Variants in TLDC2 observed in about 807,000 individuals in gnomAD.
TLDC2 encodes TBC/LysM-associated domain containing 2.
TLDC2 carries 23 observed loss-of-function variants against 27.9 expected under a neutral mutation model. The observed-to-expected ratio is 0.82, with a 90% CI of 0.59 to 1.17. TLDC2 has a LOEUF of 1.17. Among genes scored for constraint, TLDC2 ranks in the 50% most tolerant of loss-of-function variants. The pLI is 0.00. For synonymous variants in TLDC2, 124 were observed against 107.4 expected (o/e 1.16, Z -0.96); for missense variants, 286 against 273.4 (o/e 1.05, Z -0.32).
intron 1 of TLDC2, among the ~76,000 whole-genome samples, chr20:36,876,649 G>A (rs930753311): frequency 4.6e-5 from 7 of 151,966 alleles, no homozygotes; most frequent in Middle Eastern, 3.4e-3. Context: ...ACACTCACAC[G>A]CATACACATG....
At chr20:36,890,387 T>C (rs983826910) in intron 6 of TLDC2, 1 of 141,226 alleles carries the variant, frequency 7.1e-6, no homozygotes, top group African/African-American at 2.8e-5. Flanking sequence ...ATAGCAAAGA[T>C]ATTTCTTTCT....
chr20:36,890,766 C>T (rs900988060), intron 6 of TLDC2: 1 of 152,180 alleles, frequency 6.6e-6, no homozygotes, highest in Non-Finnish European at 1.5e-5. Flanking sequence ...GCATGACCAC[C>T]TCGCCTGGCC....
intron 5 of TLDC2, 149 bp downstream of exon 5, chr20:36,887,677 C>A: frequency 4.1e-6 from 3 of 740,508 alleles, no homozygotes; most frequent in East Asian, 2.7e-5. Flanking sequence ...AGCCTCCCAG[C>A]CAACCCCCTC....
At chr20:36,888,349 A>G (rs1989972112) in intron 5 of TLDC2, among the ~76,000 whole-genome samples, 1 of 151,660 alleles carries the variant, frequency 6.6e-6, no homozygotes, top group Non-Finnish European at 1.5e-5. Context: ...CTCCTGCCTC[A>G]GCGTCTCGAG....
rs542311924 is a variant in TLDC2, at chr20:36,878,384, G to A, written c.189+330G>A. On this transcript the variant is annotated intron_variant, in intron 2 of 6. Coordinates refer to ENST00000217320, the MANE Select transcript of TLDC2 (RefSeq NM_080628.3). Reference sequence around the variant, plus strand: ...TCGCTTGAGGCCAGGAGCTGGAGACGAGCCTGGCCAACATGGCAAAACCCT... The same window carrying A: ...TCGCTTGAGGCCAGGAGCTGGAGACAAGCCTGGCCAACATGGCAAAACCCT... Among the ~76,000 whole-genome samples, 7 of 152,108 alleles carry A rather than the reference G, an allele frequency of 4.6e-5. No individual in the cohort carries two copies. In the South Asian group the frequency reaches 6.2e-4, roughly 14 times the overall value.
chr20:36,884,363 A>C (rs1290302321), intron 4 of TLDC2, among the ~76,000 whole-genome samples: 1 of 152,050 alleles, frequency 6.6e-6, no homozygotes, highest in East Asian at 1.9e-4. Context: ...TTCTGCCTAG[A>C]ATGTCCCTCC....
At chr20:36,882,125 A>C (rs1463325162) in intron 4 of TLDC2, among the ~76,000 whole-genome samples, 1 of 152,134 alleles carries the variant, frequency 6.6e-6, no homozygotes, top group African/African-American at 2.4e-5. Context: ...GCTGCCCAGG[A>C]GCTGGGTGAG....
chr20:36,881,583 A>C (rs1437533463), intron 4 of TLDC2, among the ~76,000 whole-genome samples: 1 of 152,216 alleles, frequency 6.6e-6, no homozygotes, highest in East Asian at 1.9e-4. Flanking sequence ...TGCTCGGCGC[A>C]GGCCTGCAGA....
At chr20:36,880,101 A>ATAT (rs1989780586) in intron 3 of TLDC2, among the ~76,000 whole-genome samples, 1 of 24,134 alleles carries the variant, frequency 4.1e-5, no homozygotes, top group Non-Finnish European at 1.4e-4. Flanking sequence ...ATATATATAT[A>ATAT]CTTTTTTTTT....
intron 5 of TLDC2, 79 bp downstream of exon 5, chr20:36,887,607 C>CT: frequency 7.2e-7 from 1 of 1,398,480 alleles, no homozygotes; most frequent in South Asian, 1.2e-5. Flanking sequence ...CTGGGCTAGG[C>CT]TGCCCTTGAT....
At chr20:36,879,233 C>T in intron 3 of TLDC2, 40 bp downstream of exon 3, 1 of 1,587,934 alleles carries the variant, frequency 6.3e-7, no homozygotes, top group African/African-American at 1.3e-5. Context: ...TCTGGGGGCA[C>T]CCCACCAGGT....
intron 3 of TLDC2, 41 bp from the exon 4 acceptor site, chr20:36,880,613 CT>C (rs1989791900): frequency 1.9e-6 from 3 of 1,567,376 alleles, no homozygotes; most frequent in Non-Finnish European, 2.6e-6. Flanking sequence ...CAGAGGACCC[CT>C]AGCTCCCTTC....
intron 4 of TLDC2, among the ~76,000 whole-genome samples, chr20:36,881,694 T>C (rs1042622722): frequency 5.4e-5 from 8 of 148,516 alleles, no homozygotes; most frequent in African/African-American, 2.0e-4. Context: ...AAATACAACA[T>C]GGACAACGGA....
intron 5 of TLDC2, 46 bp from the exon 6 acceptor site, chr20:36,889,205 C>T: frequency 6.3e-7 from 1 of 1,597,268 alleles, no homozygotes; most frequent in Non-Finnish European, 8.6e-7. Flanking sequence ...CTGGGGGTTT[C>T]AGCACACAGG....
intron 4 of TLDC2, among the ~76,000 whole-genome samples, chr20:36,883,238 T>C (rs1337794459): frequency 2.6e-5 from 4 of 151,506 alleles, no homozygotes; most frequent in East Asian, 3.9e-4. Context: ...CTGGGCTCAA[T>C]TGATCCTCCT....
At chr20:36,889,519 C>T in intron 6 of TLDC2, 116 bp downstream of exon 6, 4 of 1,304,022 alleles carry the variant, frequency 3.1e-6, no homozygotes, top group Non-Finnish European at 4.1e-6. Flanking sequence ...GGCCAGCCTC[C>T]TTGTGGCCTG....
rs1990125300 is a variant in TLDC2 at position 36,893,286 on chromosome 20, T to C, written c.*442T>C. On this transcript the variant is annotated 3_prime_UTR_variant, in exon 7 of 7. Coordinates refer to ENST00000217320, the MANE Select transcript of TLDC2 (RefSeq NM_080628.3). ...GAAGAGCCTTCATGAAAACAGCCAC[T>C]GGCCTCTGCAGAGATGACTGGGAGC... is the stretch of plus-strand genomic sequence containing the variant. 1.7e-6 allele frequency: 1 copy of C among 602,972 alleles called. No individual in the cohort carries two copies. Among genetic ancestry groups the C allele is most frequent in the Non-Finnish European group, 2.9e-6 (1 of 342,310 alleles). 37.4% of individuals were successfully genotyped at this position (602,972 alleles called of 1,614,324 possible).
In TLDC2 at chr20:36,877,881, C is replaced by A. The variant is rs757829612; in HGVS notation, c.34-18C>A. The A allele has an allele frequency of 2.4e-5, 38 of 1,607,602 alleles. No individual in the cohort carries two copies. In the Admixed American group the frequency reaches 4.5e-4, roughly 19 times the overall value. ...CCTCCTGTCCCTGGACACACCAGGCCACTTTGTGTTTTTGCAGCCCAGCCA... is the reference window on the plus strand; with the variant it reads ...CCTCCTGTCCCTGGACACACCAGGCAACTTTGTGTTTTTGCAGCCCAGCCA... On this transcript the variant is annotated intron_variant, in intron 1 of 6. Coordinates refer to ENST00000217320, the MANE Select transcript of TLDC2 (RefSeq NM_080628.3).
Position 36,879,161 on chromosome 20 carries a change from G to C in TLDC2, c.310G>C (p.Val104Leu), listed in dbSNP as rs1989745679. The change falls in exon 3 of 7, where the codon GTG becomes CTG. Residue 104 changes from valine to leucine, a missense_variant. Transcript: ENST00000217320. The stretch of plus-strand genomic sequence containing the variant: ...GCGGATGGAGGGCTGCAGCGGGCCA[G>C]TGCTGCTGGTGCTCAGGGACCAGGA... ...YRRMEGCSGP[V>L]LLVLRDQDGQ... The C allele has an allele frequency of 1.2e-6, 2 of 1,613,736 alleles. No individual in the cohort carries two copies. Among genetic ancestry groups the C allele is most frequent in the Non-Finnish European group, 1.7e-6 (2 of 1,179,996 alleles).
Sources: allele counts gnomAD v4.1 joint callset (sites outside exome capture counted in the v4.1 genomes callset), GRCh38; gene constraint gnomAD v4.1.1; transcripts MANE v1.5; gene names NCBI Gene and HGNC (gene_info 2026-07-23, HGNC 2026-07-21).